Variants in ETV1 observed in about 807,000 individuals in gnomAD.
ETV1 encodes the protein ETS translocation variant 1.
Under a neutral mutation model 62.3 loss-of-function variants are expected in ETV1, and 27 were observed. The observed-to-expected ratio is 0.43, with a 90% CI of 0.32 to 0.60. The LOEUF (loss-of-function observed/expected upper bound fraction) is 0.60, where lower values mean the gene tolerates loss of function less well. ETV1 is among the 20% of genes least tolerant of loss of function. The pLI, the probability that ETV1 is intolerant of heterozygous loss-of-function variation, is 0.06. For synonymous variants in ETV1, 222 were observed against 199.6 expected (o/e 1.11, Z -0.94); for missense variants, 605 against 605.8 (o/e 1.00, Z 0.01).
chr7:13,911,111 A>G, intron 10 of ETV1, 128 bp downstream of exon 10: 1 of 656,086 alleles, frequency 1.5e-6, no homozygotes. Context: ...ATAGTCTTAA[A>G]ACAATTGCTT....
chr7:13,962,991 G>A (rs1412890035), intron 6 of ETV1, among the ~76,000 whole-genome samples: 1 of 152,012 alleles, frequency 6.6e-6, no homozygotes, highest in Non-Finnish European at 1.5e-5. Flanking sequence ...CATTTTACTG[G>A]AATGCATACA....
chr7:13,989,831 C>G (rs1487924185), upstream of ETV1: 1 of 380,610 alleles, frequency 2.6e-6, no homozygotes, highest in Non-Finnish European at 4.6e-6. Context: ...CTCCCTCGCC[C>G]CTCTGCCCTA....
At chr7:13,904,178 C>G (rs1420352065) in intron 12 of ETV1, among the ~76,000 whole-genome samples, 1 of 152,136 alleles carries the variant, frequency 6.6e-6, no homozygotes, top group East Asian at 1.9e-4. Context: ...GAAGTAATTG[C>G]AACAGTCAGC....
chr7:13,906,601 T>C lies in ETV1; in HGVS notation c.941-2A>G. 6.3e-7 allele frequency: 1 copy of C among 1,591,334 alleles called. No homozygotes were observed. Among genetic ancestry groups the C allele is most frequent in the Non-Finnish European group, 8.5e-7 (1 of 1,170,876 alleles). On this transcript the variant is annotated splice_acceptor_variant, in intron 11 of 13. Transcript: ENST00000430479. LOFTEE classifies it high-confidence loss of function. ...TTCCTGGCTCTTGTTTGATGTCTCCTAAATTAAAACATTTTTAAGTTTCTA... is the reference window on the plus strand; with the variant it reads ...TTCCTGGCTCTTGTTTGATGTCTCCCAAATTAAAACATTTTTAAGTTTCTA...
intron 9 of ETV1, among the ~76,000 whole-genome samples, chr7:13,925,356 G>A (rs1273388551): frequency 6.6e-6 from 1 of 152,094 alleles, no homozygotes. Context: ...AACCCTAATG[G>A]TAGCATTGCA....
chr7:13,950,196 G>GGA (rs1173907131), intron 6 of ETV1, among the ~76,000 whole-genome samples: 1 of 152,150 alleles, frequency 6.6e-6, no homozygotes, highest in African/African-American at 2.4e-5. Context: ...AGATGAGAGT[G>GGA]GAGCTACCTT....
chr7:13,957,735 A>G (rs889896285), intron 6 of ETV1, among the ~76,000 whole-genome samples: 1 of 152,234 alleles, frequency 6.6e-6, no homozygotes, highest in Non-Finnish European at 1.5e-5. Flanking sequence ...AGCTTATATT[A>G]GCACTTAAAC....
chr7:13,915,668 C>T (rs1279084358), intron 9 of ETV1, among the ~76,000 whole-genome samples: 3 of 152,152 alleles, frequency 2.0e-5, no homozygotes. Flanking sequence ...TTTTAGCCTG[C>T]TTTTCCAATT....
intron 6 of ETV1, among the ~76,000 whole-genome samples, chr7:13,952,708 G>A (rs1262761507): frequency 1.3e-5 from 2 of 152,128 alleles, no homozygotes; most frequent in Non-Finnish European, 2.9e-5. Context: ...CCACATTTCA[G>A]TAGGAAATGT....
At chr7:13,976,053 G>A (rs887326353) in intron 6 of ETV1, among the ~76,000 whole-genome samples, 4 of 152,190 alleles carry the variant, frequency 2.6e-5, no homozygotes, top group African/African-American at 9.6e-5. Flanking sequence ...CCTTCTGGGA[G>A]TGTTTCTAAG....
chr7:13,990,422 GA>G, upstream of ETV1: 2 of 152,412 alleles, frequency 1.3e-5, no homozygotes, highest in Non-Finnish European at 1.5e-5. Context: ...TGTGCACTGG[GA>G]AAAGGTACTT....
intron 6 of ETV1, 100 bp downstream of exon 6, chr7:13,977,323 AATGT>A: frequency 1.4e-6 from 1 of 696,856 alleles, no homozygotes; most frequent in Non-Finnish European, 2.4e-6. Context: ...GTGCTGGTAC[AATGT>A]AAGACAAGAC....
chr7:13,893,094 C>T lies in ETV1; in HGVS notation c.*2772G>A, dbSNP rs1781489230. ...GACATAACAAGAAAAATTATTTTTA[C>T]TTAGTTATTTGAGTATAAGTGTTTG... On this transcript the variant is annotated 3_prime_UTR_variant, in exon 14 of 14. Coordinates refer to ENST00000430479, the MANE Select transcript of ETV1 (RefSeq NM_004956.5). 1 of 232,466 alleles carries T rather than the reference C, an allele frequency of 4.3e-6. No individual in the cohort carries two copies. The highest frequency in any genetic ancestry group is 2.2e-5 in the African/African-American group (1 of 45,292). 14.4% of individuals were successfully genotyped at this position (232,466 alleles called of 1,614,324 possible). A position where few individuals can be genotyped will look rare whatever the true frequency, so the allele number is the denominator to read the frequency against.
intron 3 of ETV1, chr7:13,988,446 G>C (rs1415045194): frequency 3.4e-6 from 2 of 584,428 alleles, no homozygotes; most frequent in Non-Finnish European, 5.9e-6. Context: ...TGGTATCTCA[G>C]CATCAAAACA....
chr7:13,981,838 A>T (rs1205177354), intron 5 of ETV1, among the ~76,000 whole-genome samples: 1 of 152,072 alleles, frequency 6.6e-6, no homozygotes, highest in African/African-American at 2.4e-5. Flanking sequence ...TCAAATAAGA[A>T]GTAAAAAAAG....
At chr7:13,986,518 T>C (rs1782566914) in intron 5 of ETV1, 120 bp downstream of exon 5, 3 of 1,551,132 alleles carry the variant, frequency 1.9e-6, no homozygotes, top group South Asian at 1.2e-5. Flanking sequence ...GCATGACACA[T>C]GAGGTGGCTC....
In ETV1 at chr7:13,895,065, G is replaced by C. The variant is rs1781647081; in HGVS notation, c.*801C>G. On this transcript the variant is annotated 3_prime_UTR_variant, in exon 14 of 14. Coordinates refer to ENST00000430479, the MANE Select transcript of ETV1 (RefSeq NM_004956.5). ...TGAAGATTCCAAAGGACCATGACAT[G>C]TCATTATTTAACTGAAATGGGCTTC... The C allele has an allele frequency of 8.6e-6, 2 of 233,126 alleles. No homozygotes were observed. The highest frequency in any genetic ancestry group is 4.4e-5 in the African/African-American group (2 of 45,306). 14.4% of individuals were successfully genotyped at this position (233,126 alleles called of 1,614,324 possible). A position where few individuals can be genotyped will look rare whatever the true frequency, so the allele number is the denominator to read the frequency against.
chr7:13,933,358 A>G, intron 8 of ETV1, among the ~76,000 whole-genome samples: 1 of 152,214 alleles, frequency 6.6e-6, no homozygotes, highest in South Asian at 2.1e-4. Context: ...AATGGTAAAG[A>G]GAAAGTGATT....
At chr7:13,974,777 G>A (rs912366881) in intron 6 of ETV1, 1 of 152,264 alleles carries the variant, frequency 6.6e-6, no homozygotes, top group Non-Finnish European at 1.5e-5. Flanking sequence ...AAAGAGCAAC[G>A]TTGGTCAGGA....
Sources: gnomAD v4.1 joint callset for allele counts (sites outside exome capture counted in the v4.1 genomes callset) on GRCh38, gnomAD v4.1.1 for gene constraint, MANE v1.5 for transcripts, NCBI Gene and HGNC (gene_info 2026-07-23, HGNC 2026-07-21) for gene names.